Variants in CRLF3 observed in about 807,000 individuals in gnomAD.
The protein encoded by CRLF3 is cytokine receptor like factor 3, also known as cytokine receptor-like factor 3.
A neutral mutation model predicts 55.0 loss-of-function variants in CRLF3; 33 were observed. The observed-to-expected ratio is 0.60, with a 90% CI of 0.46 to 0.80. CRLF3 has a LOEUF of 0.80. Among genes scored for constraint, CRLF3 ranks in the 30% least tolerant of loss-of-function variants. The probability of loss-of-function intolerance (pLI) is 0.00; values close to 1 mark genes in which losing one functional copy is unlikely to be tolerated. For missense variants in CRLF3, 494 were observed against 538.4 expected, an observed-to-expected ratio of 0.92 and a Z score of 0.82; for synonymous variants, 238 against 196.8, an observed-to-expected ratio of 1.21 and a Z score of -1.75.
At chr17:30,814,913 ATCACT>A (rs909622305) in intron 1 of CRLF3, among the ~76,000 whole-genome samples, 5 of 151,284 alleles carry the variant, frequency 3.3e-5, no homozygotes, top group Admixed American at 6.6e-5. Context: ...AAGGAGGAGA[ATCACT>A]TGAACCCCCG....
chr17:30,793,499 C>T lies in CRLF3; in HGVS notation c.777G>A (p.Trp259Ter). 6.2e-7 allele frequency: 1 copy of T among 1,614,138 alleles called. No homozygotes were observed. The highest frequency in any genetic ancestry group is 8.5e-7 in the Non-Finnish European group (1 of 1,180,024). ...CTATCTGGGGGACACTCCAAGGACT[C>T]CACTCCTGTCGGCCATCTCCTCGGG... Reference protein sequence around the residue: ...VCARGDGRQEWSPWSVPQIGH... With the variant: ...VCARGDGRQE Residue 259 changes from tryptophan (W) to a stop codon, truncating the protein, a stop_gained, in exon 5 of 8, where the codon TGG becomes TGA. Transcript: ENST00000324238. LOFTEE classifies it high-confidence loss of function.
At chr17:30,800,111 CT>C (rs1359693916) in intron 2 of CRLF3, among the ~76,000 whole-genome samples, 2 of 152,128 alleles carry the variant, frequency 1.3e-5, no homozygotes, top group African/African-American at 2.4e-5. Context: ...TCATCCACGC[CT>C]TTTTCCCACA....
At chr17:30,821,201 G>C (rs1222636074) in intron 1 of CRLF3, among the ~76,000 whole-genome samples, 1 of 151,806 alleles carries the variant, frequency 6.6e-6, no homozygotes, top group African/African-American at 2.4e-5. Context: ...TTAGCCAGGG[G>C]TGATGGCACG....
chr17:30,792,240 T>C, intron 6 of CRLF3, 200 bp downstream of exon 6: 2 of 495,962 alleles, frequency 4.0e-6, no homozygotes, highest in Non-Finnish European at 3.7e-6. Context: ...TTTATATACA[T>C]TTCCCAGTTA....
At chr17:30,816,865 C>T (rs969786200) in intron 1 of CRLF3, among the ~76,000 whole-genome samples, 1 of 152,114 alleles carries the variant, frequency 6.6e-6, no homozygotes, top group East Asian at 1.9e-4. Flanking sequence ...ACATGCTGTA[C>T]AGACTTGTAC....
In CRLF3 at chr17:30,815,213, G is replaced by A. The variant is rs543271094; in HGVS notation, c.129+9310C>T. On this transcript the variant is annotated intron_variant, in intron 1 of 7. Transcript: ENST00000324238. ...CAATTCTCCTGCCTCAGCCTCCCGG[G>A]TAGCTGGGATTACAAGCACCCACCA... Among the ~76,000 whole-genome samples, 22 of 151,152 alleles carry A rather than the reference G, an allele frequency of 1.5e-4. No individual in the cohort carries two copies. The South Asian group carries it at 4.6e-3, about 32-fold the overall frequency.
intron 6 of CRLF3, among the ~76,000 whole-genome samples, chr17:30,791,535 T>G (rs1971801457): frequency 6.7e-6 from 1 of 149,950 alleles, no homozygotes; most frequent in Admixed American, 6.7e-5. Flanking sequence ...TTTTTTTTTT[T>G]GAAACGGAGT....
chr17:30,815,662 GCCTC>G (rs1904775557), intron 1 of CRLF3, among the ~76,000 whole-genome samples: 1 of 147,168 alleles, frequency 6.8e-6, no homozygotes, highest in South Asian at 2.1e-4. Flanking sequence ...TCTTGCCTCA[GCCTC>G]CTGAGCAGCT....
chr17:30,813,698 C>A (rs9912122), intron 1 of CRLF3, among the ~76,000 whole-genome samples: 35,473 of 151,028 alleles, frequency 0.23, 6,179 homozygotes, highest in African/African-American at 0.49. Flanking sequence ...GGTATGCTGC[C>A]CCTATTAACT....
intron 1 of CRLF3, among the ~76,000 whole-genome samples, chr17:30,819,563 C>T (rs1327843311): frequency 6.6e-6 from 1 of 152,120 alleles, no homozygotes; most frequent in African/African-American, 2.4e-5. Flanking sequence ...CTGCAACCTC[C>T]GCCTGCCCGG....
chr17:30,801,168 T>C (rs1358650248), intron 2 of CRLF3: 1 of 151,844 alleles, frequency 6.6e-6, no homozygotes, highest in Non-Finnish European at 1.5e-5. Context: ...CCTCCTCTCC[T>C]GTCTAGGCTC....
At chr17:30,801,428 C>G (rs1972006266) in intron 2 of CRLF3, 1 of 151,900 alleles carries the variant, frequency 6.6e-6, no homozygotes, top group Non-Finnish European at 1.5e-5. Flanking sequence ...TGCCCAGTTT[C>G]TAATAATTTT....
rs1336886344 is a variant in CRLF3, at chr17:30,810,895, C to T, written c.130-6787G>A. 4.6e-5 allele frequency among the ~76,000 whole-genome samples: 7 copies of T among 152,224 alleles called. No homozygotes were observed. The East Asian group carries it at 1.4e-3, about 29-fold the overall frequency. On this transcript the variant is annotated intron_variant, in intron 1 of 7. Transcript: ENST00000324238. ...TTGTGTCCAGGAGTTCAAGACCAGCCTGGGCAACATGGCAAAACTCTGTCT... is the reference window on the plus strand; with the variant it reads ...TTGTGTCCAGGAGTTCAAGACCAGCTTGGGCAACATGGCAAAACTCTGTCT...
At position 30,783,896 on chromosome 17, in the gene CRLF3, A is replaced by AACT. The variant is rs1971565861; in HGVS notation, c.*290_*291insAGT. On this transcript the variant is annotated 3_prime_UTR_variant, in exon 8 of 8. Transcript: ENST00000324238. ...TCTAATAACCAACTTTGAGAAGTAC[A>AACT]GTGGAAGGGTATAGAACTTCCTATA... The AACT allele has an allele frequency of 3.8e-6, 1 of 264,346 alleles. No homozygotes were observed. Among genetic ancestry groups the AACT allele is most frequent in the Non-Finnish European group, 7.2e-6 (1 of 139,444 alleles). The allele number at this position is 264,346 out of a possible 1,614,324, so 16.4% of individuals were successfully genotyped here. A position where few individuals can be genotyped will look rare whatever the true frequency, so the allele number is the denominator to read the frequency against.
At chr17:30,805,096 T>C (rs763241361) in intron 1 of CRLF3, among the ~76,000 whole-genome samples, 3 of 151,970 alleles carry the variant, frequency 2.0e-5, no homozygotes, top group Non-Finnish European at 4.4e-5. Flanking sequence ...GGCAGGAGAA[T>C]TGCTTGAACC....
intron 1 of CRLF3, among the ~76,000 whole-genome samples, chr17:30,820,613 G>A (rs1199699909): frequency 6.6e-6 from 1 of 152,100 alleles, no homozygotes; most frequent in Non-Finnish European, 1.5e-5. Flanking sequence ...CCAACATGGT[G>A]AAACCCTGTC....
chr17:30,820,496 C>G (rs1394128983), intron 1 of CRLF3, among the ~76,000 whole-genome samples: 1 of 152,058 alleles, frequency 6.6e-6, no homozygotes, highest in African/African-American at 2.4e-5. Flanking sequence ...AGAAATCGGC[C>G]TGGCAGCTGG....
At chr17:30,819,265 C>A (rs1904914073) in intron 1 of CRLF3, among the ~76,000 whole-genome samples, 1 of 152,158 alleles carries the variant, frequency 6.6e-6, no homozygotes. Context: ...GAGTGAACTA[C>A]AACACACAGA....
chr17:30,824,424 G>A, intron 1 of CRLF3, 99 bp downstream of exon 1: 1 of 1,259,704 alleles, frequency 7.9e-7, no homozygotes, highest in South Asian at 1.5e-5. Context: ...CTACTCCAGA[G>A]TTTTCGGACA....
Sources: allele counts gnomAD v4.1 joint callset (sites outside exome capture counted in the v4.1 genomes callset), GRCh38; gene constraint gnomAD v4.1.1; transcripts MANE v1.5; gene names NCBI Gene and HGNC (gene_info 2026-07-23, HGNC 2026-07-21).